The following NBEA variants were observed in gnomAD, a reference collection of about 807,000 sequenced individuals.
The protein encoded by NBEA is lysosomal-trafficking regulator 2.
Under a neutral mutation model 343.4 loss-of-function variants are expected in NBEA, and 44 were observed. That is an observed-to-expected ratio of 0.13 (90% CI 0.10 to 0.16). The LOEUF (loss-of-function observed/expected upper bound fraction) is 0.16. Ranked by LOEUF, NBEA falls within the 10% of genes least tolerant of loss-of-function variation. NBEA has a pLI of 1.00. For synonymous variants in NBEA, 1,175 were observed against 1,238.7 expected, an observed-to-expected ratio of 0.95 and a Z score of 1.08; for missense variants, 2,555 against 3,631.3, an observed-to-expected ratio of 0.70 and a Z score of 7.62.
chr13:34,946,023 T>C (rs911765013), intron 1 of NBEA, among the ~76,000 whole-genome samples: 1 of 152,294 alleles, frequency 6.6e-6, no homozygotes, highest in East Asian at 1.9e-4. Flanking sequence ...AAATTAGTCA[T>C]TTTTATTAGA....
At chr13:35,526,763 T>G (rs1270377689) in intron 41 of NBEA, among the ~76,000 whole-genome samples, 1 of 152,166 alleles carries the variant, frequency 6.6e-6, no homozygotes, top group Non-Finnish European at 1.5e-5. Flanking sequence ...AGCGAGTGCA[T>G]GGTCCGGCCA....
At chr13:35,309,943 G>C (rs982503481) in intron 36 of NBEA, among the ~76,000 whole-genome samples, 1 of 152,044 alleles carries the variant, frequency 6.6e-6, no homozygotes, top group Non-Finnish European at 1.5e-5. Flanking sequence ...TACTCCTTCA[G>C]CTTCTCCTCA....
chr13:35,529,997 C>T (rs909214367), intron 41 of NBEA, among the ~76,000 whole-genome samples: 2 of 152,090 alleles, frequency 1.3e-5, no homozygotes, highest in Non-Finnish European at 2.9e-5. Context: ...TATTAAATTT[C>T]CAATGTGATG....
intron 38 of NBEA, among the ~76,000 whole-genome samples, chr13:35,411,857 T>A (rs73502757): frequency 0.046 from 6,953 of 152,138 alleles, 201 homozygotes; most frequent in African/African-American, 0.063. Flanking sequence ...ATACAAGTTT[T>A]TTATTTGTAA....
chr13:35,087,963 G>A (rs2064860993), intron 10 of NBEA, among the ~76,000 whole-genome samples: 1 of 151,798 alleles, frequency 6.6e-6, no homozygotes, highest in Non-Finnish European at 1.5e-5. Context: ...TAAAGGGGTT[G>A]GTACGGGGCA....
intron 41 of NBEA, among the ~76,000 whole-genome samples, chr13:35,526,174 A>G (rs557603656): frequency 1.3e-5 from 2 of 152,314 alleles, no homozygotes; most frequent in East Asian, 3.9e-4. Context: ...TGTGGTATGT[A>G]TATAGTTATA....
intron 18 of NBEA, among the ~76,000 whole-genome samples, chr13:35,143,101 G>C (rs2068185213): frequency 6.6e-6 from 1 of 152,092 alleles, no homozygotes. Context: ...CTAAGTTAAG[G>C]AAGCTTTTTA....
chr13:35,186,832 A>T (rs2071749416), intron 30 of NBEA, among the ~76,000 whole-genome samples: 1 of 152,146 alleles, frequency 6.6e-6, no homozygotes, highest in Admixed American at 6.6e-5. Flanking sequence ...GTCTAAATTA[A>T]TCACCAGTTC....
At chr13:35,576,782 T>C (rs974360634) in intron 45 of NBEA, among the ~76,000 whole-genome samples, 2 of 152,220 alleles carry the variant, frequency 1.3e-5, no homozygotes, top group African/African-American at 2.4e-5. Flanking sequence ...TATACTGATT[T>C]ATTTGCCAAT....
chr13:35,391,645 G>T (rs1028155580), intron 38 of NBEA, among the ~76,000 whole-genome samples: 1 of 151,834 alleles, frequency 6.6e-6, no homozygotes, highest in Non-Finnish European at 1.5e-5. Flanking sequence ...CATTGTAGAT[G>T]CATGAAGTAT....
At chr13:35,127,528 G>A (rs2067194559) in intron 17 of NBEA, among the ~76,000 whole-genome samples, 1 of 152,110 alleles carries the variant, frequency 6.6e-6, no homozygotes, top group Admixed American at 6.5e-5. Context: ...TGAATTGGGA[G>A]GGGACTGAGA....
chr13:35,137,998 A>G (rs2067838439), intron 17 of NBEA, among the ~76,000 whole-genome samples: 1 of 152,120 alleles, frequency 6.6e-6, no homozygotes, highest in Non-Finnish European at 1.5e-5. Flanking sequence ...CAAAGGAATA[A>G]TTTTCCTGAT....
chr13:35,259,610 T>C (rs1049567688), intron 34 of NBEA, among the ~76,000 whole-genome samples: 4 of 152,172 alleles, frequency 2.6e-5, no homozygotes, highest in African/African-American at 9.6e-5. Flanking sequence ...CTTATCAATC[T>C]AAAATCAATC....
intron 36 of NBEA, among the ~76,000 whole-genome samples, chr13:35,314,316 C>T (rs2037572092): frequency 6.6e-6 from 1 of 151,994 alleles, no homozygotes; most frequent in Admixed American, 6.6e-5. Flanking sequence ...TTTGGGGGAG[C>T]CAATTGAGGT....
chr13:35,301,356 A>C (rs2152826450), intron 35 of NBEA, among the ~76,000 whole-genome samples: 2 of 150,856 alleles, frequency 1.3e-5, no homozygotes, highest in South Asian at 2.1e-4. Flanking sequence ...ACCCCCCAAC[A>C]GGCCCCAGTG....
intron 58 of NBEA, 139 bp downstream of exon 58, chr13:35,668,658 G>T (rs1283262535): frequency 4.8e-6 from 4 of 830,022 alleles, no homozygotes; most frequent in Non-Finnish European, 7.0e-6. Flanking sequence ...AGGGGAAAAT[G>T]AGGGGAAGAG....
chr13:35,419,601 T>C (rs1016188137), intron 38 of NBEA, among the ~76,000 whole-genome samples: 1 of 152,054 alleles, frequency 6.6e-6, no homozygotes, highest in Non-Finnish European at 1.5e-5. Flanking sequence ...TATGTACATA[T>C]ACCATAAAAT....
intron 1 of NBEA, among the ~76,000 whole-genome samples, chr13:34,977,133 TTTC>T (rs754450481): frequency 2.0e-5 from 3 of 151,878 alleles, no homozygotes; most frequent in Non-Finnish European, 4.4e-5. Context: ...AGAGATGATA[TTTC>T]TTCTTGTTGG....
At chr13:35,335,047 G>C (rs1274159340) in intron 36 of NBEA, among the ~76,000 whole-genome samples, 4 of 151,762 alleles carry the variant, frequency 2.6e-5, no homozygotes, top group Non-Finnish European at 4.4e-5. Context: ...TGAGGGATAG[G>C]GGTCTAGTTT....
Sources: gnomAD v4.1 joint callset for allele counts (sites outside exome capture counted in the v4.1 genomes callset) on GRCh38, gnomAD v4.1.1 for gene constraint, MANE v1.5 for transcripts, NCBI Gene and HGNC (gene_info 2026-07-23, HGNC 2026-07-21) for gene names.